XPR1: variants seen among roughly 807,000 people sequenced by gnomAD.
XPR1 encodes xenotropic and polytropic retrovirus receptor 1.
In XPR1, 28 loss-of-function variants were observed where a neutral mutation model predicts 87.5. The ratio of observed to expected loss-of-function variants is 0.32; its 90% CI spans 0.24 to 0.44. The LOEUF (loss-of-function observed/expected upper bound fraction) is 0.44, where lower values mean the gene tolerates loss of function less well. Ranked by LOEUF, XPR1 falls within the 20% of genes least tolerant of loss-of-function variation. The probability of loss-of-function intolerance (pLI) is 1.00; values close to 1 mark genes in which losing one functional copy is unlikely to be tolerated. For synonymous variants in XPR1, 300 were observed against 306.1 expected (o/e 0.98, Z 0.21); for missense variants, 559 against 862.3 (o/e 0.65, Z 4.41).
At chr1:180,844,722 C>T (rs542076838) in intron 11 of XPR1, among the ~76,000 whole-genome samples, 1 of 152,356 alleles carries the variant, frequency 6.6e-6, no homozygotes, top group Admixed American at 6.5e-5. Context: ...TTTGGCTCCT[C>T]ACTGCAGGTT....
intron 7 of XPR1, among the ~76,000 whole-genome samples, chr1:180,820,496 G>T (rs1650586358): frequency 6.6e-6 from 1 of 152,138 alleles, no homozygotes; most frequent in African/African-American, 2.4e-5. Context: ...TTTTGTGTAT[G>T]TATCACAATT....
chr1:180,806,830 A>T lies in XPR1; in HGVS notation c.681+273A>T, dbSNP rs868537390. ...TCATCAAATGATTAAGATGTGATTTAAAAAAAATGATCTGGTGGGTTCAGA... is the reference window on the plus strand; with the variant it reads ...TCATCAAATGATTAAGATGTGATTTTAAAAAAATGATCTGGTGGGTTCAGA... On this transcript the variant is annotated intron_variant, in intron 6 of 14. Transcript: ENST00000367590. 1.6e-4 allele frequency among the ~76,000 whole-genome samples: 24 copies of T among 151,984 alleles called. 1 individual carries two copies. Among genetic ancestry groups the T allele is most frequent in the African/African-American group, 4.6e-4 (19 of 41,390 alleles).
chr1:180,834,392 TA>T (rs1651198360), intron 9 of XPR1, among the ~76,000 whole-genome samples: 1 of 152,246 alleles, frequency 6.6e-6, no homozygotes, highest in South Asian at 2.1e-4. Context: ...AATAAATTTT[TA>T]AAGTACAACT....
chr1:180,864,932 G>C (rs1315618633), intron 12 of XPR1, among the ~76,000 whole-genome samples: 1 of 152,172 alleles, frequency 6.6e-6, no homozygotes, highest in Non-Finnish European at 1.5e-5. Flanking sequence ...ATTATCTCTT[G>C]ATCTTTTCCC....
chr1:180,688,472 A>T (rs546796222), intron 2 of XPR1, among the ~76,000 whole-genome samples: 3 of 152,202 alleles, frequency 2.0e-5, no homozygotes, highest in African/African-American at 7.2e-5. Flanking sequence ...TATAGAATAC[A>T]TGGCAGTAGA....
At chr1:180,763,406 G>C (rs1181175082) in intron 2 of XPR1, among the ~76,000 whole-genome samples, 1 of 152,188 alleles carries the variant, frequency 6.6e-6, no homozygotes, top group African/African-American at 2.4e-5. Flanking sequence ...TGTATGTCAA[G>C]TGAGGAAAAA....
At position 180,780,034 on chromosome 1, in the gene XPR1, A is replaced by G. The variant is rs141846950; in HGVS notation, c.122-7719A>G. Among the ~76,000 whole-genome samples, 132 of 152,330 alleles carry G rather than the reference A, an allele frequency of 8.7e-4. 3 individuals are homozygous for G. The East Asian group carries it at 9.2e-3, about 11-fold the overall frequency. On this transcript the variant is annotated intron_variant, in intron 2 of 14. Coordinates refer to ENST00000367590, the MANE Select transcript of XPR1 (RefSeq NM_004736.4). ...CTTTTCTGTGGCTGAATTATATTCA[A>G]TTGTATGGATATGCTACATTTTGTT...
intron 2 of XPR1, among the ~76,000 whole-genome samples, chr1:180,780,541 CAT>C (rs1648894696): frequency 6.6e-6 from 1 of 152,044 alleles, no homozygotes; most frequent in African/African-American, 2.4e-5. Context: ...GTCTTTTTGA[CAT>C]ATTTTCTAAA....
intron 4 of XPR1, among the ~76,000 whole-genome samples, chr1:180,803,970 C>CT (rs1485458807): frequency 2.6e-5 from 4 of 151,124 alleles, no homozygotes; most frequent in East Asian, 1.9e-4. Flanking sequence ...AAGGGCTTTT[C>CT]TTTTTTTTCC....
chr1:180,675,275 A>G (rs951381708), intron 1 of XPR1, among the ~76,000 whole-genome samples: 3 of 152,138 alleles, frequency 2.0e-5, no homozygotes, highest in African/African-American at 7.2e-5. Flanking sequence ...GAGGGAGGGT[A>G]TGGTAATCCC....
At chr1:180,718,446 A>G (rs1215513199) in intron 2 of XPR1, among the ~76,000 whole-genome samples, 1 of 152,130 alleles carries the variant, frequency 6.6e-6, no homozygotes, top group Non-Finnish European at 1.5e-5. Flanking sequence ...CCCAAATAAA[A>G]TTGTTGGAGA....
At chr1:180,825,015 T>C in intron 8 of XPR1, 72 bp downstream of exon 8, 1 of 1,525,602 alleles carries the variant, frequency 6.6e-7, no homozygotes. Flanking sequence ...GTTTAGTGGG[T>C]ACTTAAATCC....
chr1:180,660,568 A>C (rs1288840965), intron 1 of XPR1, among the ~76,000 whole-genome samples: 2 of 152,074 alleles, frequency 1.3e-5, no homozygotes, highest in Non-Finnish European at 2.9e-5. Flanking sequence ...TGTTTCAATA[A>C]ATTTTTCCCT....
At chr1:180,654,427 A>C (rs1447209695) in intron 1 of XPR1, among the ~76,000 whole-genome samples, 2 of 152,092 alleles carry the variant, frequency 1.3e-5, no homozygotes, top group Non-Finnish European at 2.9e-5. Flanking sequence ...CATAATATAA[A>C]ATTTATCACC....
chr1:180,771,647 T>C (rs147518609), intron 2 of XPR1, among the ~76,000 whole-genome samples: 156 of 152,324 alleles, frequency 1.0e-3, no homozygotes, highest in African/African-American at 3.4e-3. Flanking sequence ...TTTAACACTT[T>C]GATGCGTATT....
At chr1:180,704,245 G>GATAGATATATATATATAT (rs1553238722) in intron 2 of XPR1, among the ~76,000 whole-genome samples, 1 of 66,052 alleles carries the variant, frequency 1.5e-5, no homozygotes, top group Non-Finnish European at 3.0e-5. Context: ...ATAGGTGCTG[G>GATAGATATATATATATAT]ATATATATAT....
chr1:180,811,260 T>C, intron 6 of XPR1, 147 bp from the exon 7 acceptor site: 1 of 674,330 alleles, frequency 1.5e-6, no homozygotes, highest in Non-Finnish European at 2.5e-6. Flanking sequence ...GAAGGTTGAT[T>C]CTCTGGTTCA....
intron 2 of XPR1, among the ~76,000 whole-genome samples, chr1:180,683,427 C>T (rs199743227): frequency 3.3e-5 from 5 of 152,086 alleles, no homozygotes; most frequent in Non-Finnish European, 2.9e-5. Flanking sequence ...TATAAACATA[C>T]GTGTGCATGT....
chr1:180,846,312 G>C (rs1191184765), intron 11 of XPR1, among the ~76,000 whole-genome samples: 1 of 151,912 alleles, frequency 6.6e-6, no homozygotes, highest in Admixed American at 6.6e-5. Flanking sequence ...GTTAAAGCTG[G>C]CTAGCAATTT....
Sources: allele counts gnomAD v4.1 joint callset (sites outside exome capture counted in the v4.1 genomes callset), GRCh38; gene constraint gnomAD v4.1.1; transcripts MANE v1.5; gene names NCBI Gene and HGNC (gene_info 2026-07-23, HGNC 2026-07-21).